Variants in NFE2L1 observed in about 807,000 individuals in gnomAD.
NFE2L1 encodes endoplasmic reticulum membrane sensor NFE2L1.
In NFE2L1, 18 loss-of-function variants were observed where a neutral mutation model predicts 61.6. The ratio of observed to expected loss-of-function variants is 0.29; its 90% CI spans 0.20 to 0.43. The LOEUF (loss-of-function observed/expected upper bound fraction) is 0.43, where lower values mean the gene tolerates loss of function less well. Ranked by LOEUF, NFE2L1 falls within the 20% of genes least tolerant of loss-of-function variation. The pLI, the probability that NFE2L1 is intolerant of heterozygous loss-of-function variation, is 1.00. For synonymous variants in NFE2L1, 419 were observed against 402.7 expected, an observed-to-expected ratio of 1.04 and a Z score of -0.48; for missense variants, 827 against 973.5, an observed-to-expected ratio of 0.85 and a Z score of 2.00.
intron 5 of NFE2L1, 117 bp from the exon 6 acceptor site, chr17:48,058,178 T>G: frequency 7.1e-7 from 1 of 1,409,174 alleles, no homozygotes; most frequent in Non-Finnish European, 9.4e-7. Context: ...GGCTTTGGTT[T>G]ATAGTATTTT....
intron 2 of NFE2L1, among the ~76,000 whole-genome samples, chr17:48,053,457 A>G (rs1490283108): frequency 3.3e-5 from 5 of 152,176 alleles, no homozygotes; most frequent in Non-Finnish European, 7.3e-5. Context: ...AGAGCATGTG[A>G]CAGGCACTGC....
chr17:48,051,216 C>G lies in NFE2L1; in HGVS notation c.98C>G (p.Thr33Ser). Residue 33 changes from threonine to serine, a missense_variant, in exon 2 of 6, where the codon ACC (threonine) becomes AGC (serine). Physicochemically the swap from Thr to Ser is moderately conservative, Grantham distance 58 (BLOSUM62 1). Around this residue, in one of 3 missense-constraint regions of NFE2L1, gnomAD observed 667 missense variants for 748.4 expected, o/e 0.89. Coordinates refer to ENST00000362042, the MANE Select transcript of NFE2L1 (RefSeq NM_003204.3). ...CGGGTGGACGTGGATACTTACCTGA[C>G]CTCACAGCTTCCCCCACTCCGGGAG... ...GVRVDVDTYL[T>S]SQLPPLREII... 1 of 1,614,188 alleles carries G rather than the reference C, an allele frequency of 6.2e-7. No individual in the cohort carries two copies. Among genetic ancestry groups the G allele is most frequent in the East Asian group, 2.2e-5 (1 of 44,886 alleles).
rs1469515009 is a variant in NFE2L1 at position 48,061,053 on chromosome 17, G to A, written c.*1412G>A. On this transcript the variant is annotated 3_prime_UTR_variant, in exon 6 of 6. Transcript: ENST00000362042. ...GAGAAGTGCATATGACAGGCTGAGAGCACCTCCCCAAACACACAAGCTCTC... is the reference window on the plus strand; with the variant it reads ...GAGAAGTGCATATGACAGGCTGAGAACACCTCCCCAAACACACAAGCTCTC... The A allele has an allele frequency of 6.6e-6, 1 of 152,638 alleles. No homozygotes were observed. Among genetic ancestry groups the A allele is most frequent in the African/African-American group, 2.4e-5 (1 of 41,458 alleles). The allele number at this position is 152,638 out of a possible 1,614,324, so 9.5% of individuals were successfully genotyped here. A position where few individuals can be genotyped will look rare whatever the true frequency, so the allele number is the denominator to read the frequency against.
Position 48,050,704 on chromosome 17 carries a change from G to A in NFE2L1, c.-415G>A, listed in dbSNP as rs2037228109. The A allele has an allele frequency of 2.2e-6, 1 of 455,614 alleles. No individual in the cohort carries two copies. Among genetic ancestry groups the A allele is most frequent in the Non-Finnish European group, 3.9e-6 (1 of 258,914 alleles). 28.2% of individuals were successfully genotyped at this position (455,614 alleles called of 1,614,324 possible). The stretch of plus-strand genomic sequence containing the variant: ...TCCAGCCAAAGAAAATAAACCTTAG[G>A]AGGGAGAAGGAAAAAAAAAATCCAT... On this transcript the variant is annotated 5_prime_UTR_variant, in exon 2 of 6. Coordinates refer to ENST00000362042, the MANE Select transcript of NFE2L1 (RefSeq NM_003204.3).
At position 48,058,568 on chromosome 17, in the gene NFE2L1, C is replaced by G. The variant is rs757495072; in HGVS notation, c.1246C>G (p.Leu416Val). 3 of 1,613,704 alleles carry G rather than the reference C, an allele frequency of 1.9e-6. No homozygotes were observed. The South Asian group carries it at 3.3e-5, about 18-fold the overall frequency. ...CTTCGGCTCCACCAACCTGACAGGG[C>G]TCTTCTTTCCACCCCAGCTCAATGG... ...STFGSTNLTGLFFPPQLNGTA... is the reference protein window; with the variant it reads ...STFGSTNLTGVFFPPQLNGTA... Residue 416 changes from leucine to valine, a missense_variant, in exon 6 of 6, where the codon CTC becomes GTC. Transcript: ENST00000362042.
chr17:48,057,542 G>A (rs766262935), intron 5 of NFE2L1, 40 bp downstream of exon 5: 1 of 1,588,864 alleles, frequency 6.3e-7, no homozygotes, highest in African/African-American at 1.4e-5. Flanking sequence ...ATTGGATTTT[G>A]CACAGATTGT....
At chr17:48,056,210 G>T (rs1438304914) in intron 2 of NFE2L1, among the ~76,000 whole-genome samples, 176 bp from the exon 3 acceptor site, 1 of 152,070 alleles carries the variant, frequency 6.6e-6, no homozygotes, top group East Asian at 1.9e-4. Flanking sequence ...GTGTCTGGAA[G>T]TAGATGAATG....
At position 48,055,027 on chromosome 17, in the gene NFE2L1, C is replaced by T. The variant is rs71377342; in HGVS notation, c.511-1359C>T. 5,399 of 1,517,652 alleles carry T rather than the reference C, an allele frequency of 3.6e-3. 166 individuals carry two copies. The African/African-American group carries it at 0.068, about 19-fold the overall frequency. 94.0% of individuals were successfully genotyped at this position (1,517,652 alleles called of 1,614,324 possible). ...GGCTCATCTCGCAGACCATGACCCG[C>T]CTGGACCGCAGCTCTCACAGTGGTG... is the stretch of plus-strand genomic sequence containing the variant. On this transcript the variant is annotated intron_variant, in intron 2 of 5. Coordinates refer to ENST00000362042, the MANE Select transcript of NFE2L1 (RefSeq NM_003204.3).
chr17:48,056,393 A>G lies in NFE2L1; in HGVS notation c.518A>G (p.Asp173Gly). The change falls in exon 3 of 6, where the codon GAT (aspartate) becomes GGT (glycine). Residue 173 changes from aspartate (D) to glycine (G), a missense_variant. This residue lies in a region of NFE2L1 where 667 missense variants were observed against 748.4 expected (regional missense o/e 0.89). Transcript: ENST00000362042. ...VSGDLTKEDI[D>G]LIDILWRQDI... The stretch of plus-strand genomic sequence containing the variant: ...ATGTGATCTGTCTTTCAGGACATAG[A>G]TCTGATTGACATCCTTTGGCGACAG... 1 of 1,614,072 alleles carries G rather than the reference A, an allele frequency of 6.2e-7. No homozygotes were observed. Among genetic ancestry groups the G allele is most frequent in the Non-Finnish European group, 8.5e-7 (1 of 1,179,994 alleles).
chr17:48,059,572 C>T lies in NFE2L1; in HGVS notation c.2250C>T (p.Leu750=), dbSNP rs2037496184. ...ACGCCGGGGACGGCAGTGTCCTCCT[C>T]ATCCCCCGCACGATGGCCGACCAGC... The part of the protein sequence containing the change: ...LQYAGDGSVL[L]IPRTMADQQA... Residue 750 remains leucine, a synonymous_variant, in exon 6 of 6, where the codon CTC becomes CTT. Coordinates refer to ENST00000362042, the MANE Select transcript of NFE2L1 (RefSeq NM_003204.3). The surrounding 1 kb of genome is among the most constrained non-coding windows in gnomAD (Gnocchi z 6.1). The T allele has an allele frequency of 6.2e-7, 1 of 1,603,874 alleles. No homozygotes were observed.
At chr17:48,053,320 A>G (rs893079693) in intron 2 of NFE2L1, among the ~76,000 whole-genome samples, 5 of 152,088 alleles carry the variant, frequency 3.3e-5, no homozygotes, top group African/African-American at 1.2e-4. Flanking sequence ...TCAGGCCTTT[A>G]TAACTCCCTT....
rs1361810761 is a variant in NFE2L1, at chr17:48,059,392, G to A, written c.2070G>A (p.Gln690=). Residue 690 remains glutamine (Q), a synonymous_variant, in exon 6 of 6, where the codon CAG becomes CAA. Coordinates refer to ENST00000362042, the MANE Select transcript of NFE2L1 (RefSeq NM_003204.3). This position sits in a 1 kb window ranked among gnomAD's most constrained non-coding sequence, Gnocchi z 6.1. ...TGGAGCGTGATGTGGAGGACCTGCA[G>A]CGTGACAAAGCCCGGCTGCTGCGGG... ...LNLERDVEDL[Q]RDKARLLREK... 1 of 1,614,232 alleles carries A rather than the reference G, an allele frequency of 6.2e-7. No homozygotes were observed. Among genetic ancestry groups the A allele is most frequent in the East Asian group, 2.2e-5 (1 of 44,888 alleles).
Position 48,058,316 on chromosome 17 carries a change from G to C in NFE2L1, c.994G>C (p.Ala332Pro). ...CCAGGCCATGGAAGTGAACACATCAGCAAGTGAAATCCTGTACAGTGCCCC... is the reference window on the plus strand; with the variant it reads ...CCAGGCCATGGAAGTGAACACATCACCAAGTGAAATCCTGTACAGTGCCCC... ...EMQAMEVNTS[A>P]SEILYSAPPG... The change falls in exon 6 of 6, where the codon GCA (alanine) becomes CCA (proline). Residue 332 changes from alanine (A) to proline (P), a missense_variant. By Grantham distance (27) the Ala-to-Pro change is conservative (BLOSUM62 -1). Coordinates refer to ENST00000362042, the MANE Select transcript of NFE2L1 (RefSeq NM_003204.3). 6.3e-7 allele frequency: 1 copy of C among 1,597,142 alleles called. No individual in the cohort carries two copies.
Position 48,057,505 on chromosome 17 carries a change from A to G in NFE2L1, c.972+3A>G. On this transcript the variant is annotated splice_donor_region_variant and intron_variant, in intron 5 of 5. Transcript: ENST00000362042. ...TCATGTCCATCATGGAAATGCAGGT[A>G]GGATTGTCGGAACCGGGCACAAACC... 1 of 1,611,494 alleles carries G rather than the reference A, an allele frequency of 6.2e-7. No homozygotes were observed.
chr17:48,057,179 G>A, intron 4 of NFE2L1, 58 bp downstream of exon 4: 1 of 1,599,896 alleles, frequency 6.3e-7, no homozygotes, highest in South Asian at 1.1e-5. Context: ...TACCTGGTGT[G>A]TCCCTCCATG....
chr17:48,057,185 C>G lies in NFE2L1; in HGVS notation c.813+64C>G. The G allele has an allele frequency of 2.5e-6, 4 of 1,597,458 alleles. No homozygotes were observed. The South Asian group carries it at 4.5e-5, about 18-fold the overall frequency. On this transcript the variant is annotated intron_variant, in intron 4 of 5. Coordinates refer to ENST00000362042, the MANE Select transcript of NFE2L1 (RefSeq NM_003204.3). The stretch of plus-strand genomic sequence containing the variant: ...GGCAGCCTGTACCTGGTGTGTCCCT[C>G]CATGGCTGAGGGGCCAGCTGTTGGT...
In NFE2L1 at chr17:48,057,128, A is replaced by C; in HGVS notation, c.813+7A>C. ...CTTTGGGGAGAATGCTGAGGTGAGC[A>C]GGACTCCAGTGAGAGTCCACCAAGT... is the stretch of plus-strand genomic sequence containing the variant. On this transcript the variant is annotated splice_region_variant and intron_variant, in intron 4 of 5. Transcript: ENST00000362042. 1 of 1,612,740 alleles carries C rather than the reference A, an allele frequency of 6.2e-7. No individual in the cohort carries two copies. Among genetic ancestry groups the C allele is most frequent in the Non-Finnish European group, 8.5e-7 (1 of 1,179,666 alleles).
At position 48,059,217 on chromosome 17, in the gene NFE2L1, A is replaced by G. The variant is rs1223470052; in HGVS notation, c.1895A>G (p.Asn632Ser). The G allele has an allele frequency of 1.9e-6, 3 of 1,613,954 alleles. No individual in the cohort carries two copies. Among genetic ancestry groups the G allele is most frequent in the African/African-American group, 2.7e-5 (2 of 74,888 alleles). Residue 632 changes from asparagine (N) to serine (S), a missense_variant, in exon 6 of 6, where the codon AAC becomes AGC. Coordinates refer to ENST00000362042, the MANE Select transcript of NFE2L1 (RefSeq NM_003204.3). The surrounding 1 kb of genome is among the most constrained non-coding windows in gnomAD (Gnocchi z 6.1). ...CCTTTCACCAATGACAAAATCATCA[A>G]CCTGCCTGTGGAGGAGTTCAATGAA... Reference protein sequence around the residue: ...KIPFTNDKIINLPVEEFNELL... With the variant: ...KIPFTNDKIISLPVEEFNELL...
rs201202226 is a variant in NFE2L1, at chr17:48,051,478, A to G, written c.360A>G (p.Ser120=). 14 of 1,614,190 alleles carry G rather than the reference A, an allele frequency of 8.7e-6. No individual in the cohort carries two copies. The highest frequency in any genetic ancestry group is 1.6e-4 in the Middle Eastern group (1 of 6,062). Residue 120 remains serine, a synonymous_variant, in exon 2 of 6, where the codon TCA becomes TCG. Coordinates refer to ENST00000362042, the MANE Select transcript of NFE2L1 (RefSeq NM_003204.3). ...EGSVSGSQPN[S]GLALESSSGL... ...CTGTCTCTGGCAGTCAGCCCAACTCAGGCCTCGCCCTCGAGAGTTCCAGTG... is the reference window on the plus strand; with the variant it reads ...CTGTCTCTGGCAGTCAGCCCAACTCGGGCCTCGCCCTCGAGAGTTCCAGTG...
Sources: gnomAD v4.1 joint callset for allele counts (sites outside exome capture counted in the v4.1 genomes callset) on GRCh38, gnomAD v4.1.1 for gene constraint, gnomAD v4.1.1 regional missense constraint, Gnocchi (gnomAD v3.1) non-coding constraint, MANE v1.5 for transcripts, NCBI Gene and HGNC (gene_info 2026-07-23, HGNC 2026-07-21) for gene names.